The following TECPR1 variants were observed in gnomAD, a reference collection of about 807,000 sequenced individuals.
TECPR1 encodes tectonin beta-propeller repeat containing 1.
A neutral mutation model predicts 162.4 loss-of-function variants in TECPR1; 122 were observed. The observed-to-expected ratio is 0.75, with a 90% CI of 0.65 to 0.87. TECPR1 has a LOEUF of 0.87. TECPR1 is among the 40% of genes least tolerant of loss of function. TECPR1 has a pLI of 0.00. For synonymous variants in TECPR1, 642 were observed against 670.6 expected, an observed-to-expected ratio of 0.96 and a Z score of 0.66; for missense variants, 1,432 against 1,618.2, an observed-to-expected ratio of 0.88 and a Z score of 1.97.
intron 23 of TECPR1, among the ~76,000 whole-genome samples, chr7:98,218,444 C>A (rs1798071390): frequency 1.3e-5 from 2 of 152,164 alleles, no homozygotes; most frequent in African/African-American, 4.8e-5. Flanking sequence ...TCTGTTTGCC[C>A]ATGATAGGAT....
chr7:98,221,763 G>A lies in TECPR1; in HGVS notation c.3065-10C>T. 2 of 1,609,830 alleles carry A rather than the reference G, an allele frequency of 1.2e-6. No individual in the cohort carries two copies. On this transcript the variant is annotated splice_polypyrimidine_tract_variant and intron_variant, in intron 22 of 25. Coordinates refer to ENST00000447648, the MANE Select transcript of TECPR1 (RefSeq NM_015395.3). ...TGGTACCAGCAGTCACCTGCGAAGG[G>A]GAGGCTGACTCAGGCACGCTGCCTT...
In TECPR1 at chr7:98,232,238, C is replaced by T. The variant is rs988869714; in HGVS notation, c.1819-279G>A. ...CGCCTTCTGCATGGGGAGACAGGCTCGGGAGGGTTCCGTGCCTGGCTTTGG... is the reference window on the plus strand; with the variant it reads ...CGCCTTCTGCATGGGGAGACAGGCTTGGGAGGGTTCCGTGCCTGGCTTTGG... On this transcript the variant is annotated intron_variant, in intron 12 of 25. Coordinates refer to ENST00000447648, the MANE Select transcript of TECPR1 (RefSeq NM_015395.3). This position sits in a 1 kb window ranked among gnomAD's most constrained non-coding sequence, Gnocchi z 4.6. 2.0e-5 allele frequency among the ~76,000 whole-genome samples: 3 copies of T among 152,074 alleles called. No individual in the cohort carries two copies. The highest frequency in any genetic ancestry group is 1.9e-4 in the East Asian group (1 of 5,164).
intron 10 of TECPR1, among the ~76,000 whole-genome samples, chr7:98,235,318 G>A (rs1335816470): frequency 5.9e-5 from 9 of 152,098 alleles, no homozygotes; most frequent in Non-Finnish European, 1.3e-4. Context: ...AAGGTCAGGA[G>A]ATCGAGACCA....
In TECPR1 at chr7:98,233,644, G is replaced by C; in HGVS notation, c.1449C>G (p.Ala483=). 6.3e-7 allele frequency: 1 copy of C among 1,591,344 alleles called. No homozygotes were observed. ...NTHPGPAPTP[A]ELPWTNIDLK... ...GGTCAATATTGGTCCAGGGCAGCTC[G>C]GCCGGGGTGGGGGCCGGGCCGGGGT... Residue 483 remains alanine, a synonymous_variant, in exon 11 of 26, where the codon GCC becomes GCG. Coordinates refer to ENST00000447648, the MANE Select transcript of TECPR1 (RefSeq NM_015395.3).
At position 98,240,726 on chromosome 7, in the gene TECPR1, T is replaced by C. The variant is rs945486348; in HGVS notation, c.933+125A>G. 3 of 864,060 alleles carry C rather than the reference T, an allele frequency of 3.5e-6. No homozygotes were observed. In the African/African-American group the frequency reaches 5.2e-5, roughly 15 times the overall value. The allele number at this position is 864,060 out of a possible 1,614,324, so 53.5% of individuals were successfully genotyped here. On this transcript the variant is annotated intron_variant, in intron 8 of 25. Transcript: ENST00000447648. Reference sequence around the variant, plus strand: ...CACTGCACCCGGCCTGGGTTTTTCTTTTTTTTTAATTTGAGACAGGGTCTC... The same window carrying C: ...CACTGCACCCGGCCTGGGTTTTTCTCTTTTTTTAATTTGAGACAGGGTCTC...
intron 17 of TECPR1, chr7:98,226,753 G>A: frequency 1.2e-6 from 1 of 803,416 alleles, no homozygotes; most frequent in Non-Finnish European, 1.8e-6. Flanking sequence ...CACCAACATG[G>A]TGAAATCCTG....
intron 17 of TECPR1, chr7:98,226,650 G>T (rs552861200): frequency 1.1e-5 from 12 of 1,085,616 alleles, no homozygotes; most frequent in Non-Finnish European, 1.2e-5. Flanking sequence ...AGTGGAGGCC[G>T]GGCGCAGTGG....
intron 9 of TECPR1, among the ~76,000 whole-genome samples, chr7:98,237,404 C>T (rs1584346834): frequency 6.6e-6 from 1 of 152,136 alleles, no homozygotes; most frequent in African/African-American, 2.4e-5. Flanking sequence ...AGTGATTCTC[C>T]TACCTCAGCC....
At chr7:98,223,504 T>C (rs1798195359) in intron 20 of TECPR1, among the ~76,000 whole-genome samples, 158 bp downstream of exon 20, 1 of 152,158 alleles carries the variant, frequency 6.6e-6, no homozygotes. Context: ...TTTACTCAGA[T>C]TCGGCTTCCC....
intron 8 of TECPR1, among the ~76,000 whole-genome samples, chr7:98,238,855 CAT>C (rs1041680212): frequency 6.6e-6 from 1 of 152,234 alleles, no homozygotes; most frequent in African/African-American, 2.4e-5. Context: ...GCCTCAGCCA[CAT>C]GTGTCCTGGC....
intron 22 of TECPR1, 123 bp from the exon 23 acceptor site, chr7:98,221,876 A>C (rs899045783): frequency 1.4e-5 from 10 of 712,112 alleles, no homozygotes; most frequent in Non-Finnish European, 2.4e-5. Context: ...TGTGTGCCAC[A>C]CAGAGCTGAC....
Position 98,222,399 on chromosome 7 carries a change from G to T in TECPR1, c.3051C>A (p.Pro1017=). ...GSAFYRGSVY[P]SQPAGDCWYH... The stretch of plus-strand genomic sequence containing the variant: ...CGCGGCACTCACCGGCTGGCTGCGA[G>T]GGGTACACGGATCCCCGGTAGAAGG... The change falls in exon 22 of 26, where the codon CCC becomes CCA. Residue 1017 remains proline (P), a synonymous_variant. Coordinates refer to ENST00000447648, the MANE Select transcript of TECPR1 (RefSeq NM_015395.3). 6.2e-7 allele frequency: 1 copy of T among 1,601,678 alleles called. No homozygotes were observed. Among genetic ancestry groups the T allele is most frequent in the East Asian group, 2.3e-5 (1 of 44,350 alleles).
At position 98,236,760 on chromosome 7, in the gene TECPR1, T is replaced by G; in HGVS notation, c.1181+16A>C. The G allele has an allele frequency of 6.3e-7, 1 of 1,592,080 alleles. No homozygotes were observed. The highest frequency in any genetic ancestry group is 8.5e-7 in the Non-Finnish European group (1 of 1,172,870). ...ATCCCAGCCTGACTCCTGCGCACCCTGCCACCCCCAGTCACCTGAGGAGAC... is the reference window on the plus strand; with the variant it reads ...ATCCCAGCCTGACTCCTGCGCACCCGGCCACCCCCAGTCACCTGAGGAGAC... On this transcript the variant is annotated intron_variant, in intron 10 of 25. Coordinates refer to ENST00000447648, the MANE Select transcript of TECPR1 (RefSeq NM_015395.3).
At chr7:98,218,156 C>G (rs77154185) in intron 23 of TECPR1, 114 bp from the exon 24 acceptor site, 30,310 of 812,944 alleles carry the variant, frequency 0.037, 986 homozygotes, top group South Asian at 0.1. Flanking sequence ...GTTTGGGAAG[C>G]TGCTGGGGAG....
chr7:98,219,796 G>A (rs1008222634), intron 23 of TECPR1, among the ~76,000 whole-genome samples: 1 of 152,042 alleles, frequency 6.6e-6, no homozygotes, highest in Non-Finnish European at 1.5e-5. Flanking sequence ...AGCTACTCGG[G>A]AGGCTGAGGT....
rs772691136 is a variant in TECPR1, at chr7:98,231,858, G to A, written c.1920C>T (p.Asp640=). The A allele has an allele frequency of 6.2e-6, 10 of 1,612,610 alleles. No homozygotes were observed. The Admixed American group carries it at 6.7e-5, about 11-fold the overall frequency. ...TGAAGAGGATGCTGTCCCGGACGCC[G>A]TCGTGCCCCGTGAACTGCTCCAGGG... The part of the protein sequence containing the change: ...RLALEQFTGH[D]GVRDSILFIY... The change falls in exon 13 of 26, where the codon GAC becomes GAT. Residue 640 remains aspartate (D), a synonymous_variant. Coordinates refer to ENST00000447648, the MANE Select transcript of TECPR1 (RefSeq NM_015395.3).
At chr7:98,223,335 G>T (rs1798191419) in intron 20 of TECPR1, among the ~76,000 whole-genome samples, 165 bp from the exon 21 acceptor site, 1 of 60,416 alleles carries the variant, frequency 1.7e-5, no homozygotes, top group Admixed American at 2.2e-4. Flanking sequence ...TCCAGGCCCA[G>T]CCAGGCCCCC....
chr7:98,245,318 G>C (rs1425697050), intron 3 of TECPR1, among the ~76,000 whole-genome samples: 1 of 152,234 alleles, frequency 6.6e-6, no homozygotes, highest in Non-Finnish European at 1.5e-5. Context: ...ACGGCGCTGT[G>C]AGCAGGGCAG....
chr7:98,221,740 G>C lies in TECPR1; in HGVS notation c.3078C>G (p.Tyr1026Ter). The C allele has an allele frequency of 6.2e-7, 1 of 1,610,516 alleles. No homozygotes were observed. Among genetic ancestry groups the C allele is most frequent in the Non-Finnish European group, 8.5e-7 (1 of 1,178,772 alleles). The change falls in exon 23 of 26, where the codon TAC (tyrosine) becomes TAG (stop). Residue 1026 changes from tyrosine (Y) to a stop codon, truncating the protein, a stop_gained. Transcript: ENST00000447648. LOFTEE classifies it high-confidence loss of function. ...TCTGTCTCGGTGGGGACGGGATGTG[G>C]TACCAGCAGTCACCTGCGAAGGGGA... ...YPSQPAGDCW[Y>*]HIPSPPRQRL...
Sources: gnomAD v4.1 joint callset for allele counts (sites outside exome capture counted in the v4.1 genomes callset) on GRCh38, gnomAD v4.1.1 for gene constraint, Gnocchi (gnomAD v3.1) non-coding constraint, MANE v1.5 for transcripts, NCBI Gene and HGNC (gene_info 2026-07-23, HGNC 2026-07-21) for gene names.